The following OSGEPL1 variants were observed in gnomAD, a reference collection of about 807,000 sequenced individuals.
The protein encoded by OSGEPL1 is tRNA N6-adenosine threonylcarbamoyltransferase, mitochondrial.
OSGEPL1 carries 26 observed loss-of-function variants against 37.2 expected under a neutral mutation model. The ratio of observed to expected loss-of-function variants is 0.70; its 90% CI spans 0.51 to 0.97. The LOEUF is 0.97. Ranked by LOEUF, OSGEPL1 falls within the 50% of genes least tolerant of loss-of-function variation. The pLI is 0.00. For synonymous variants in OSGEPL1, 140 were observed against 159.9 expected (o/e 0.88, Z 0.94); for missense variants, 404 against 487.0 (o/e 0.83, Z 1.60).
intron 7 of OSGEPL1, among the ~76,000 whole-genome samples, chr2:189,752,024 A>G (rs972441272): frequency 2.0e-5 from 3 of 151,794 alleles, no homozygotes; most frequent in African/African-American, 7.3e-5. Flanking sequence ...TGAACCTGTA[A>G]TTCCAGCTAC....
intron 2 of OSGEPL1, among the ~76,000 whole-genome samples, chr2:189,755,818 A>C (rs904987107): frequency 6.6e-6 from 1 of 152,220 alleles, no homozygotes; most frequent in African/African-American, 2.4e-5. Flanking sequence ...TGAAATCACC[A>C]AAATAATCTT....
At position 189,746,680 on chromosome 2, in the gene OSGEPL1, ATT is replaced by A; in HGVS notation, c.*515_*516del. 6.7e-7 allele frequency: 1 copy of A among 1,493,708 alleles called. No homozygotes were observed. Among genetic ancestry groups the A allele is most frequent in the Non-Finnish European group, 8.9e-7 (1 of 1,121,032 alleles). The allele number at this position is 1,493,708 out of a possible 1,614,324, so 92.5% of individuals were successfully genotyped here. A position where few individuals can be genotyped will look rare whatever the true frequency, so the allele number is the denominator to read the frequency against. On this transcript the variant is annotated 3_prime_UTR_variant, in exon 9 of 9. Transcript: ENST00000264151. ...TGAGCCATCTTTTAAAAATTTTTTT[ATT>A]TTTAATAATGGTAATATGCAAATAA...
At chr2:189,751,444 G>GTTTTTT (rs779920289) in intron 7 of OSGEPL1, among the ~76,000 whole-genome samples, 6 of 126,146 alleles carry the variant, frequency 4.8e-5, no homozygotes, top group East Asian at 2.3e-4. Context: ...GACAAGTTGT[G>GTTTTTT]TTTTTTTTTT....
chr2:189,755,746 T>C (rs1482132022), intron 2 of OSGEPL1, among the ~76,000 whole-genome samples, 186 bp from the exon 3 acceptor site: 1 of 152,210 alleles, frequency 6.6e-6, no homozygotes, highest in African/African-American at 2.4e-5. Context: ...ATTAAGGGGA[T>C]AATGTTTCTG....
chr2:189,750,180 T>A (rs1010297770), intron 8 of OSGEPL1, among the ~76,000 whole-genome samples: 3 of 152,042 alleles, frequency 2.0e-5, no homozygotes, highest in Non-Finnish European at 2.9e-5. Context: ...TAAAGTCAGG[T>A]TCTTGTTTCA....
At chr2:189,760,392 C>G (rs2046846983) in intron 2 of OSGEPL1, among the ~76,000 whole-genome samples, 1 of 152,146 alleles carries the variant, frequency 6.6e-6, no homozygotes, top group African/African-American at 2.4e-5. Flanking sequence ...GCGCCCCCAC[C>G]TCCCAGACGG....
chr2:189,759,288 G>A (rs919871126), intron 2 of OSGEPL1, among the ~76,000 whole-genome samples: 2 of 149,572 alleles, frequency 1.3e-5, no homozygotes, highest in Non-Finnish European at 3.0e-5. Flanking sequence ...TCACTCTGTC[G>A]CCCGGGCTGG....
rs1235239749 is a variant in OSGEPL1 at position 189,755,506 on chromosome 2, T to C, written c.276A>G (p.Gln92=). The C allele has an allele frequency of 6.2e-7, 1 of 1,602,432 alleles. No homozygotes were observed. Residue 92 remains glutamine (Q), a synonymous_variant, in exon 3 of 9, where the codon CAA becomes CAG. Transcript: ENST00000264151. ...AAQQLHRENI[Q]RIVQEALSAS... ...CAGAAAGAGCTTCTTGTACTATTCG[T>C]TGAATATTTTCTCTGTGAAGCTGTT... is the stretch of plus-strand genomic sequence containing the variant.
intron 2 of OSGEPL1, among the ~76,000 whole-genome samples, chr2:189,757,992 A>AAGATGGGGCCTGGTGGG (rs2046335305): frequency 6.6e-6 from 1 of 152,144 alleles, no homozygotes; most frequent in Admixed American, 6.5e-5. Context: ...CCCAATGTTG[A>AAGATGGGGCCTGGTGGG]AGATGGGGCC....
chr2:189,762,422 A>T (rs1175860739), intron 1 of OSGEPL1: 1 of 221,506 alleles, frequency 4.5e-6, no homozygotes. Context: ...GAGATGAGCG[A>T]CCTATTTGCA....
chr2:189,759,043 TATTA>T (rs902499304), intron 2 of OSGEPL1, among the ~76,000 whole-genome samples: 1 of 152,210 alleles, frequency 6.6e-6, no homozygotes, highest in African/African-American at 2.4e-5. Context: ...TGCCTTGCAC[TATTA>T]ATTCTCCTTG....
chr2:189,750,600 G>A lies in OSGEPL1; in HGVS notation c.1223C>T (p.Pro408Leu). Residue 408 changes from proline (P) to leucine (L), a missense_variant, in exon 8 of 9, where the codon CCA becomes CTA. Physicochemically the swap from Pro to Leu is moderately conservative, Grantham distance 98 (BLOSUM62 -3). Coordinates refer to ENST00000264151, the MANE Select transcript of OSGEPL1 (RefSeq NM_022353.3). The part of the protein sequence containing the change: ...KEVGEASIKV[P>L]QLKMEI ...AAATCATATCTCCATTTTTAATTGT[G>A]GTACTTTTATGGAAGCTTCTCCAAC... 3.2e-6 allele frequency: 5 copies of A among 1,585,792 alleles called. No homozygotes were observed. In the East Asian group the frequency reaches 1.1e-4, roughly 36 times the overall value.
intron 3 of OSGEPL1, chr2:189,754,632 G>A (rs868492023): frequency 1.2e-4 from 43 of 355,814 alleles, no homozygotes; most frequent in African/African-American, 4.5e-4. Flanking sequence ...AATGATGAAC[G>A]TCAATAATAA....
At chr2:189,755,661 G>T in intron 2 of OSGEPL1, 101 bp from the exon 3 acceptor site, 1 of 1,257,670 alleles carries the variant, frequency 8.0e-7, no homozygotes, top group Non-Finnish European at 1.1e-6. Context: ...TCATTATATA[G>T]CTGAGTAAGT....
chr2:189,751,262 C>G (rs1307907485), intron 7 of OSGEPL1, among the ~76,000 whole-genome samples: 1 of 152,130 alleles, frequency 6.6e-6, no homozygotes, highest in Non-Finnish European at 1.5e-5. Context: ...GCCATTATCT[C>G]CAGCCTCAAC....
chr2:189,750,781 T>A, intron 7 of OSGEPL1, 125 bp from the exon 8 acceptor site: 1 of 645,974 alleles, frequency 1.5e-6, no homozygotes, highest in Non-Finnish European at 2.5e-6. Flanking sequence ...TATGTGGTGA[T>A]GATTCTTAAA....
Position 189,761,464 on chromosome 2 carries a change from A to G in OSGEPL1, c.177T>C (p.Asn59=), listed in dbSNP as rs1313036946. ...TAAAVVDETG[N]VLGEAIHSQT... is the part of the protein sequence containing the mutation. ...GGGAATGTATTGCTTCTCCCAACAC[A>G]TTTCCAGTTTCATCCACCACAGCAG... The change falls in exon 2 of 9, where the codon AAT becomes AAC. Residue 59 remains asparagine (N), a synonymous_variant. Coordinates refer to ENST00000264151, the MANE Select transcript of OSGEPL1 (RefSeq NM_022353.3). 2.5e-5 allele frequency: 41 copies of G among 1,612,582 alleles called. No individual in the cohort carries two copies. Among genetic ancestry groups the G allele is most frequent in the Non-Finnish European group, 3.1e-5 (36 of 1,179,520 alleles).
At chr2:189,751,595 C>T (rs977319531) in intron 7 of OSGEPL1, among the ~76,000 whole-genome samples, 7 of 151,552 alleles carry the variant, frequency 4.6e-5, no homozygotes, top group South Asian at 4.2e-4. Flanking sequence ...CAGGTGCCTG[C>T]CACTACGCCT....
chr2:189,753,742 A>G (rs1437694875), intron 5 of OSGEPL1, among the ~76,000 whole-genome samples, 174 bp downstream of exon 5: 1 of 152,222 alleles, frequency 6.6e-6, no homozygotes, highest in Non-Finnish European at 1.5e-5. Flanking sequence ...CCATAAAGCT[A>G]CCAAACTAGT....
Sources: allele counts gnomAD v4.1 joint callset (sites outside exome capture counted in the v4.1 genomes callset), GRCh38; gene constraint gnomAD v4.1.1; transcripts MANE v1.5; gene names NCBI Gene and HGNC (gene_info 2026-07-23, HGNC 2026-07-21).